COL21A1: variants seen among roughly 807,000 people sequenced by gnomAD.
COL21A1 encodes collagen alpha-1(XXI) chain.
In COL21A1, 149 loss-of-function variants were observed where a neutral mutation model predicts 137.9. That is an observed-to-expected ratio of 1.08 (90% CI 0.95 to 1.24). The LOEUF is 1.24. COL21A1 is among the 50% of genes most tolerant of loss of function. The pLI is 0.00. For synonymous variants in COL21A1, 456 were observed against 391.5 expected (o/e 1.16, Z -1.95); for missense variants, 1,167 against 1,158.4 (o/e 1.01, Z -0.11).
chr6:56,138,320 A>G (rs749832891), intron 12 of COL21A1, among the ~76,000 whole-genome samples: 81 of 149,322 alleles, frequency 5.4e-4, no homozygotes, highest in Non-Finnish European at 8.7e-4. Context: ...AAATATATGC[A>G]TATATATTTT....
chr6:56,289,922 C>T (rs1314871043), intron 1 of COL21A1, among the ~76,000 whole-genome samples: 2 of 152,052 alleles, frequency 1.3e-5, no homozygotes, highest in African/African-American at 2.4e-5. Flanking sequence ...CTGGGCTGGG[C>T]AGTTATCTTG....
chr6:56,319,982 T>C (rs1582777837), intron 1 of COL21A1, among the ~76,000 whole-genome samples: 1 of 152,124 alleles, frequency 6.6e-6, no homozygotes, highest in Admixed American at 6.6e-5. Context: ...AGCTCACCTC[T>C]TTAAATACCA....
intron 16 of COL21A1, among the ~76,000 whole-genome samples, chr6:56,116,036 C>T (rs1428032919): frequency 6.6e-6 from 1 of 151,722 alleles, no homozygotes; most frequent in African/African-American, 2.4e-5. Context: ...AAAATAGTCT[C>T]AAAGGGCAAA....
intron 1 of COL21A1, among the ~76,000 whole-genome samples, chr6:56,360,669 T>G (rs1255719304): frequency 6.6e-6 from 1 of 152,088 alleles, no homozygotes; most frequent in Non-Finnish European, 1.5e-5. Flanking sequence ...ATCCCTAAAA[T>G]AAGTGGAAAT....
chr6:56,158,882 A>G (rs1433887654), intron 9 of COL21A1, among the ~76,000 whole-genome samples: 2 of 152,122 alleles, frequency 1.3e-5, no homozygotes, highest in Non-Finnish European at 2.9e-5. Flanking sequence ...CCAAGGGGGG[A>G]AAATAATGCT....
intron 1 of COL21A1, among the ~76,000 whole-genome samples, chr6:56,316,268 T>C (rs1764731964): frequency 6.6e-6 from 1 of 152,158 alleles, no homozygotes; most frequent in South Asian, 2.1e-4. Flanking sequence ...ATGCAATATA[T>C]TGTTTTTATT....
rs57492933 is a variant in COL21A1 at position 56,332,476 on chromosome 6, A to AT, written c.-39+61494dup. 7.2e-3 allele frequency among the ~76,000 whole-genome samples: 1,082 copies of AT among 149,928 alleles called. 14 individuals carry two copies. The highest frequency in any genetic ancestry group is 0.021 in the African/African-American group (857 of 40,684). On this transcript the variant is annotated intron_variant, in intron 1 of 28. Coordinates refer to the COL21A1 transcript ENST00000370819. ...AATCTAGCTGCAACTTGGGTAAAACATTTTTTTTTTTTGCTACATTAGTAA... is the reference window on the plus strand; with the variant it reads ...AATCTAGCTGCAACTTGGGTAAAACATTTTTTTTTTTTTGCTACATTAGTAA...
intron 1 of COL21A1, among the ~76,000 whole-genome samples, chr6:56,197,172 A>G (rs1779076996): frequency 6.6e-6 from 1 of 152,134 alleles, no homozygotes. Flanking sequence ...TGTGGAAAAG[A>G]ATGAAATTGG....
intron 17 of COL21A1, among the ~76,000 whole-genome samples, chr6:56,094,816 G>T (rs987551395): frequency 1.1e-4 from 16 of 152,184 alleles, no homozygotes; most frequent in Admixed American, 8.5e-4. Flanking sequence ...AGCTGACGCT[G>T]TAATCCATGG....
At chr6:56,115,563 G>A (rs542992019) in intron 16 of COL21A1, among the ~76,000 whole-genome samples, 3 of 152,056 alleles carry the variant, frequency 2.0e-5, no homozygotes, top group Non-Finnish European at 2.9e-5. Context: ...CTACAAATAA[G>A]CCCAGACAGT....
intron 1 of COL21A1, among the ~76,000 whole-genome samples, chr6:56,342,591 G>A (rs919431776): frequency 9.2e-5 from 14 of 152,086 alleles, no homozygotes; most frequent in African/African-American, 3.1e-4. Flanking sequence ...TTCTACCATC[G>A]ACTATATATG....
At chr6:56,083,917 T>C (rs1289858759) in intron 17 of COL21A1, among the ~76,000 whole-genome samples, 3 of 151,938 alleles carry the variant, frequency 2.0e-5, no homozygotes, top group Non-Finnish European at 4.4e-5. Context: ...TAATATACTA[T>C]ACTAATAACA....
chr6:56,132,493 A>C (rs1437601541), intron 12 of COL21A1, among the ~76,000 whole-genome samples: 2 of 152,230 alleles, frequency 1.3e-5, no homozygotes, highest in Admixed American at 1.3e-4. Context: ...CAATTCTGCA[A>C]TGGAGAAGAT....
intron 22 of COL21A1, chr6:56,068,760 A>G: frequency 4.7e-6 from 1 of 211,866 alleles, no homozygotes; most frequent in Non-Finnish European, 9.3e-6. Context: ...CTGGTTTGTG[A>G]AAAAAACCTG....
At chr6:56,197,269 C>T (rs2152294998) in intron 1 of COL21A1, among the ~76,000 whole-genome samples, 1 of 151,954 alleles carries the variant, frequency 6.6e-6, no homozygotes, top group South Asian at 2.1e-4. Flanking sequence ...GAAGAAAACA[C>T]AGGGGAAAAG....
intron 16 of COL21A1, among the ~76,000 whole-genome samples, chr6:56,103,363 A>T (rs1376981007): frequency 6.6e-6 from 1 of 152,182 alleles, no homozygotes. Context: ...TTATAAAACA[A>T]TCTGTGGTTA....
intron 1 of COL21A1, among the ~76,000 whole-genome samples, chr6:56,219,843 T>C (rs1371227065): frequency 6.6e-6 from 1 of 152,146 alleles, no homozygotes; most frequent in Non-Finnish European, 1.5e-5. Flanking sequence ...CAAATATGTA[T>C]TGAGTGCCTG....
At chr6:56,257,116 G>A (rs1004551018) in intron 1 of COL21A1, among the ~76,000 whole-genome samples, 1 of 152,140 alleles carries the variant, frequency 6.6e-6, no homozygotes, top group Non-Finnish European at 1.5e-5. Flanking sequence ...CTGAATAAAT[G>A]TAGTGCTGTG....
chr6:56,121,841 A>G (rs1005286354), intron 16 of COL21A1, among the ~76,000 whole-genome samples: 1 of 152,024 alleles, frequency 6.6e-6, no homozygotes, highest in South Asian at 2.1e-4. Context: ...AAAAAAGTAA[A>G]TAGCTTTTTT....
Sources: allele counts gnomAD v4.1 joint callset (sites outside exome capture counted in the v4.1 genomes callset), GRCh38; gene constraint gnomAD v4.1.1; transcripts MANE v1.5; gene names NCBI Gene and HGNC (gene_info 2026-07-23, HGNC 2026-07-21).